Variants in DISP1 observed in about 807,000 individuals in gnomAD.
The protein encoded by DISP1 is protein dispatched homolog 1.
In DISP1, 30 loss-of-function variants were observed where a neutral mutation model predicts 37.3. The observed-to-expected ratio is 0.80, with a 90% confidence interval of 0.60 to 1.09. The LOEUF (loss-of-function observed/expected upper bound fraction) is 1.09, where lower values mean the gene tolerates loss of function less well. DISP1 is among the 50% of genes least tolerant of loss of function. The pLI, the probability that DISP1 is intolerant of heterozygous loss-of-function variation, is 0.00. For missense variants in DISP1, 1,598 were observed against 1,879.5 expected, an observed-to-expected ratio of 0.85 and a Z score of 2.77; for synonymous variants, 634 against 690.2, an observed-to-expected ratio of 0.92 and a Z score of 1.28.
intron 1 of DISP1, among the ~76,000 whole-genome samples, chr1:222,923,923 C>G (rs543352623): frequency 6.6e-6 from 1 of 152,002 alleles, no homozygotes; most frequent in African/African-American, 2.4e-5. Context: ...TAACTAAGCA[C>G]AAAGCAAGTA....
At chr1:222,827,888 C>A (rs1355457776) in intron 1 of DISP1, among the ~76,000 whole-genome samples, 1 of 152,034 alleles carries the variant, frequency 6.6e-6, no homozygotes, top group African/African-American at 2.4e-5. Flanking sequence ...CACAGAAAGT[C>A]AAGGAAAAAT....
chr1:222,900,291 T>G (rs1193552471), intron 1 of DISP1, among the ~76,000 whole-genome samples: 1 of 152,184 alleles, frequency 6.6e-6, no homozygotes, highest in Non-Finnish European at 1.5e-5. Context: ...ATTGATAAAA[T>G]GAGGATAATC....
chr1:222,829,567 G>A (rs932858161), intron 1 of DISP1, among the ~76,000 whole-genome samples: 2 of 151,810 alleles, frequency 1.3e-5, no homozygotes, highest in African/African-American at 4.8e-5. Flanking sequence ...TGCCTCTTGA[G>A]TAGCTGGGAT....
intron 3 of DISP1, among the ~76,000 whole-genome samples, chr1:222,968,527 T>C (rs1480184564): frequency 6.6e-6 from 1 of 152,196 alleles, no homozygotes; most frequent in African/African-American, 2.4e-5. Flanking sequence ...TCAGCCAGAC[T>C]CTGGAAATTC....
intron 1 of DISP1, among the ~76,000 whole-genome samples, chr1:222,821,529 C>T (rs1242593431): frequency 6.6e-6 from 1 of 152,020 alleles, no homozygotes; most frequent in Non-Finnish European, 1.5e-5. Flanking sequence ...GAGTGGTTTG[C>T]CCTATGGTGT....
At chr1:222,925,032 T>C (rs1383453473) in intron 1 of DISP1, among the ~76,000 whole-genome samples, 4 of 152,170 alleles carry the variant, frequency 2.6e-5, no homozygotes, top group Non-Finnish European at 5.9e-5. Flanking sequence ...AGGTCACTAG[T>C]ACTTTTCTTT....
chr1:222,996,789 C>T (rs1268692544), intron 8 of DISP1, among the ~76,000 whole-genome samples: 1 of 152,144 alleles, frequency 6.6e-6, no homozygotes, highest in African/African-American at 2.4e-5. Flanking sequence ...ACCCACCCTG[C>T]TTTATGCTTC....
intron 3 of DISP1, among the ~76,000 whole-genome samples, chr1:222,962,184 A>G (rs1329174405): frequency 6.6e-6 from 1 of 152,160 alleles, no homozygotes; most frequent in Non-Finnish European, 1.5e-5. Context: ...TCCATTCACA[A>G]TTGCTACAAA....
chr1:222,857,514 TC>T (rs1273660464), intron 1 of DISP1, among the ~76,000 whole-genome samples: 2 of 152,140 alleles, frequency 1.3e-5, no homozygotes. Flanking sequence ...GATGACATGA[TC>T]CTATATCTAG....
intron 3 of DISP1, among the ~76,000 whole-genome samples, chr1:222,982,411 AAAT>A (rs1178249093): frequency 1.3e-5 from 2 of 152,196 alleles, no homozygotes; most frequent in African/African-American, 4.8e-5. Context: ...AATAGGAAAA[AAAT>A]AATCTGATAG....
chr1:222,819,853 A>G (rs1486187564), intron 1 of DISP1, among the ~76,000 whole-genome samples: 2 of 151,662 alleles, frequency 1.3e-5, no homozygotes, highest in African/African-American at 4.8e-5. Context: ...TATGTTGTAT[A>G]TATATTTTTA....
intron 3 of DISP1, among the ~76,000 whole-genome samples, chr1:222,975,641 C>G (rs1321386801): frequency 6.6e-6 from 1 of 152,180 alleles, no homozygotes; most frequent in African/African-American, 2.4e-5. Flanking sequence ...CTCCCACTCT[C>G]CCTCCTTCTG....
intron 1 of DISP1, among the ~76,000 whole-genome samples, chr1:222,815,392 C>T (rs900448525): frequency 6.6e-6 from 1 of 152,008 alleles, no homozygotes; most frequent in African/African-American, 2.4e-5. Context: ...GGAAAGTAGT[C>T]ATTCGTGGGG....
At chr1:222,818,321 A>G (rs913874498) in intron 1 of DISP1, among the ~76,000 whole-genome samples, 5 of 152,182 alleles carry the variant, frequency 3.3e-5, no homozygotes, top group African/African-American at 1.2e-4. Context: ...AATACCACAC[A>G]GATGATGCAC....
chr1:222,979,477 C>G, intron 3 of DISP1: 1 of 285,780 alleles, frequency 3.5e-6, no homozygotes, highest in Non-Finnish European at 7.5e-6. Flanking sequence ...TTGCATAACT[C>G]ATGAAAGTAC....
chr1:222,914,286 T>C (rs1672372027), intron 1 of DISP1, among the ~76,000 whole-genome samples: 1 of 152,204 alleles, frequency 6.6e-6, no homozygotes, highest in African/African-American at 2.4e-5. Context: ...CCTTCCAAAA[T>C]ATATTACACC....
intron 1 of DISP1, among the ~76,000 whole-genome samples, chr1:222,916,749 C>G (rs1672514576): frequency 6.6e-6 from 1 of 152,150 alleles, no homozygotes; most frequent in Non-Finnish European, 1.5e-5. Flanking sequence ...TTCTTATACT[C>G]TTAAATTCTG....
intron 1 of DISP1, among the ~76,000 whole-genome samples, chr1:222,907,256 G>A (rs970552982): frequency 1.3e-5 from 2 of 152,134 alleles, no homozygotes; most frequent in South Asian, 2.1e-4. Flanking sequence ...AACTCAGTTC[G>A]CTTTAGTATG....
chr1:222,885,583 C>T (rs1030729081), intron 1 of DISP1, among the ~76,000 whole-genome samples: 1 of 151,878 alleles, frequency 6.6e-6, no homozygotes, highest in Non-Finnish European at 1.5e-5. Context: ...ATCCTCCTGC[C>T]TCAGCCTCCC....
Sources: gnomAD v4.1 joint callset for allele counts (sites outside exome capture counted in the v4.1 genomes callset) on GRCh38, gnomAD v4.1.1 for gene constraint, MANE v1.5 for transcripts, NCBI Gene and HGNC (gene_info 2026-07-23, HGNC 2026-07-21) for gene names.